Variants in UNC79 observed in about 807,000 individuals in gnomAD.
The protein encoded by UNC79 is protein unc-79 homolog.
A neutral mutation model predicts 283.1 loss-of-function variants in UNC79; 37 were observed. That is an observed-to-expected ratio of 0.13 (90% CI 0.10 to 0.17). The LOEUF is 0.17. Ranked by LOEUF, UNC79 falls within the 10% of genes least tolerant of loss-of-function variation. UNC79 has a pLI of 1.00. For synonymous variants in UNC79, 1,107 were observed against 1,200.2 expected (o/e 0.92, Z 1.61); for missense variants, 2,272 against 3,211.1 (o/e 0.71, Z 7.07).
chr14:93,563,088 A>C (rs952676282), intron 14 of UNC79, among the ~76,000 whole-genome samples: 6 of 152,164 alleles, frequency 3.9e-5, no homozygotes, highest in African/African-American at 1.4e-4. Context: ...GACAGAATAC[A>C]ATGGGTCTGT....
Position 93,618,175 on chromosome 14 carries a change from C to T in UNC79, c.4225-17C>T. On this transcript the variant is annotated splice_polypyrimidine_tract_variant and intron_variant, in intron 28 of 48. Transcript: ENST00000555664. ...AAAATAACCATTTATCTTTTTCTCTCTCGTTTCATTGGGCAGTATCCATAC... is the reference window on the plus strand; with the variant it reads ...AAAATAACCATTTATCTTTTTCTCTTTCGTTTCATTGGGCAGTATCCATAC... 1.3e-6 allele frequency: 2 copies of T among 1,597,644 alleles called. No individual in the cohort carries two copies. Among genetic ancestry groups the T allele is most frequent in the Non-Finnish European group, 1.7e-6 (2 of 1,173,164 alleles).
intron 14 of UNC79, 27 bp downstream of exon 14, chr14:93,542,723 T>G: frequency 6.2e-7 from 1 of 1,611,302 alleles, no homozygotes; most frequent in Non-Finnish European, 8.5e-7. Flanking sequence ...AGCTCACACC[T>G]TGTTAGAGAG....
chr14:93,678,755 G>T (rs2073578026), intron 41 of UNC79, among the ~76,000 whole-genome samples: 1 of 152,172 alleles, frequency 6.6e-6, no homozygotes, highest in Non-Finnish European at 1.5e-5. Flanking sequence ...TACATATGAA[G>T]TTTACATATG....
At chr14:93,462,983 A>G (rs1412946620) in intron 1 of UNC79, among the ~76,000 whole-genome samples, 2 of 152,104 alleles carry the variant, frequency 1.3e-5, no homozygotes, top group Admixed American at 1.3e-4. Context: ...GATGCTCCTG[A>G]CAGTCCTGTG....
At chr14:93,540,362 A>G (rs1727422537) in intron 12 of UNC79, among the ~76,000 whole-genome samples, 1 of 152,242 alleles carries the variant, frequency 6.6e-6, no homozygotes, top group Non-Finnish European at 1.5e-5. Context: ...TTGGTGAACC[A>G]GAAGTCAGAA....
At chr14:93,429,720 T>G (rs764481331), upstream of UNC79, among the ~76,000 whole-genome samples, 11 of 132,764 alleles carry the variant, frequency 8.3e-5, no homozygotes, top group Non-Finnish European at 1.8e-4. Flanking sequence ...TAACTTTTAC[T>G]AAATTAACCT....
intron 17 of UNC79, among the ~76,000 whole-genome samples, 184 bp from the exon 18 acceptor site, chr14:93,577,658 T>G (rs1307864494): frequency 6.6e-6 from 1 of 152,154 alleles, no homozygotes; most frequent in Non-Finnish European, 1.5e-5. Flanking sequence ...GAAGTTTGAG[T>G]GGTTTTATTT....
chr14:93,697,205 G>T (rs1264214261), intron 47 of UNC79, among the ~76,000 whole-genome samples: 50 of 151,750 alleles, frequency 3.3e-4, no homozygotes, highest in Non-Finnish European at 5.9e-5. Flanking sequence ...GTGCAATCTC[G>T]GCTTACTGCA....
At chr14:93,583,851 G>A (rs1331217863) in intron 20 of UNC79, among the ~76,000 whole-genome samples, 1 of 148,914 alleles carries the variant, frequency 6.7e-6, no homozygotes, top group Non-Finnish European at 1.5e-5. Flanking sequence ...TGTCATCCAG[G>A]CTGGAGTGCA....
At chr14:93,521,705 A>T (rs985982799) in intron 7 of UNC79, among the ~76,000 whole-genome samples, 2 of 150,628 alleles carry the variant, frequency 1.3e-5, no homozygotes, top group African/African-American at 2.4e-5. Flanking sequence ...CAAGTCTAAT[A>T]CCAATTTTTC....
intron 47 of UNC79, among the ~76,000 whole-genome samples, chr14:93,703,797 C>T (rs774266341): frequency 6.6e-6 from 1 of 152,200 alleles, no homozygotes; most frequent in East Asian, 1.9e-4. Flanking sequence ...CCTATTGGAT[C>T]GGAGTCCCCC....
At chr14:93,538,819 AAAAG>A (rs908027001) in intron 12 of UNC79, among the ~76,000 whole-genome samples, 1 of 151,550 alleles carries the variant, frequency 6.6e-6, no homozygotes, top group Non-Finnish European at 1.5e-5. Context: ...AAAAAAAAAA[AAAAG>A]CAATTGAAAT....
At chr14:93,477,715 A>G in exon 4 of UNC79, 5 of 1,612,160 alleles carry the variant, frequency 3.1e-6, no homozygotes, top group Non-Finnish European at 4.2e-6. Flanking sequence ...CATCTTTTCT[A>G]CCAATGGCTA....
chr14:93,394,736 G>C (rs1253195363), intron 1 of UNC79, among the ~76,000 whole-genome samples: 3 of 151,524 alleles, frequency 2.0e-5, no homozygotes, highest in African/African-American at 7.3e-5. Context: ...TTTAGAGATA[G>C]GGTCTCATTC....
At chr14:93,339,261 T>C (rs74546140) in intron 1 of UNC79, among the ~76,000 whole-genome samples, 2,659 of 152,250 alleles carry the variant, frequency 0.017, 39 homozygotes, top group South Asian at 0.074. Flanking sequence ...TCAAAGACTT[T>C]AGCAGGACTT....
intron 1 of UNC79, among the ~76,000 whole-genome samples, chr14:93,362,459 C>T (rs1179484225): frequency 6.6e-6 from 1 of 152,118 alleles, no homozygotes; most frequent in Non-Finnish European, 1.5e-5. Context: ...AGCGATTTTC[C>T]TGCCTCAGCC....
chr14:93,448,597 T>C (rs566590838), intron 1 of UNC79, among the ~76,000 whole-genome samples: 1 of 152,310 alleles, frequency 6.6e-6, no homozygotes, highest in East Asian at 1.9e-4. Context: ...ATCCTGGATA[T>C]AATGAATGTT....
At chr14:93,396,446 T>G (rs1222623858) in intron 1 of UNC79, among the ~76,000 whole-genome samples, 1 of 152,100 alleles carries the variant, frequency 6.6e-6, no homozygotes, top group Non-Finnish European at 1.5e-5. Context: ...GTTGATTGCT[T>G]GTTTTCCTTA....
intron 41 of UNC79, among the ~76,000 whole-genome samples, chr14:93,675,645 C>T (rs1007676941): frequency 1.3e-5 from 2 of 152,156 alleles, no homozygotes; most frequent in East Asian, 1.9e-4. Context: ...GCCTGGTCTC[C>T]GTACTCCCTC....
Sources: gnomAD v4.1 joint callset for allele counts (sites outside exome capture counted in the v4.1 genomes callset) on GRCh38, gnomAD v4.1.1 for gene constraint, MANE v1.5 for transcripts, NCBI Gene and HGNC (gene_info 2026-07-23, HGNC 2026-07-21) for gene names.